The following FREM1 variants were observed in gnomAD, a reference collection of about 807,000 sequenced individuals.
FREM1 encodes the protein FRAS1-related extracellular matrix protein 1.
FREM1 carries 220 observed loss-of-function variants against 210.1 expected under a neutral mutation model. The observed-to-expected ratio is 1.05, with a 90% CI of 0.94 to 1.17. The LOEUF (loss-of-function observed/expected upper bound fraction) is 1.17, where lower values mean the gene tolerates loss of function less well. Ranked by LOEUF, FREM1 falls within the 50% of genes most tolerant of loss-of-function variation. The pLI is 0.00. For missense variants in FREM1, 3,454 were observed against 2,675.5 expected (o/e 1.29, Z -6.42); for synonymous variants, 1,189 against 980.2 (o/e 1.21, Z -3.98).
In FREM1 at chr9:14,770,701, C is replaced by T. The variant is rs114410606; in HGVS notation, c.4963G>A (p.Val1655Met). 5.4e-4 allele frequency: 870 copies of T among 1,613,280 alleles called. 2 individuals carry two copies. The African/African-American group carries it at 0.01, about 19-fold the overall frequency. Reference sequence around the variant, plus strand: ...GTGTCAGGGTCTGATGCCTTCAACACGCGGGAAGTGATGTAAATCCCGTAG... The same window carrying T: ...GTGTCAGGGTCTGATGCCTTCAACATGCGGGAAGTGATGTAAATCCCGTAG... ...GCYGIYITSRVLKASDPDTED... is the reference protein window; with the variant it reads ...GCYGIYITSRMLKASDPDTED... The change falls in exon 26 of 37, where the codon GTG (valine) becomes ATG (methionine). Residue 1655 changes from valine (V) to methionine (M), a missense_variant. Transcript: ENST00000380880.
At position 14,848,756 on chromosome 9, in the gene FREM1, G is replaced by A. The variant is rs754342427; in HGVS notation, c.1170C>T (p.Tyr390=). 3.4e-4 allele frequency: 545 copies of A among 1,608,654 alleles called. 2 individuals carry two copies. The highest frequency in any genetic ancestry group is 4.6e-5 in the Non-Finnish European group (54 of 1,175,230). Residue 390 remains tyrosine (Y), a synonymous_variant, in exon 7 of 37, where the codon TAC becomes TAT. Transcript: ENST00000380880. ...RRHDEVELEV[Y]DFFFERSAPM... ...GTGCACTCCTTTCAAAGAAGAAGTC[G>A]TATACCTCCAATTCTACCTGTAAAC...
intron 27 of FREM1, among the ~76,000 whole-genome samples, chr9:14,766,162 T>C (rs1236557069): frequency 6.6e-6 from 1 of 152,220 alleles, no homozygotes; most frequent in Admixed American, 6.5e-5. Context: ...CTTTATTTCC[T>C]TATCCTCAGA....
intron 19 of FREM1, among the ~76,000 whole-genome samples, chr9:14,802,892 C>T (rs2133319960): frequency 6.6e-6 from 1 of 152,204 alleles, no homozygotes; most frequent in African/African-American, 2.4e-5. Flanking sequence ...CACAAAAGGG[C>T]AGAGATCAGG....
rs558464927 is a variant in FREM1, at chr9:14,869,148, GGGC to G, written c.-174_-172del. On this transcript the variant is annotated 5_prime_UTR_variant, in exon 2 of 37. Coordinates refer to ENST00000380880, the MANE Select transcript of FREM1 (RefSeq NM_001379081.2). The stretch of plus-strand genomic sequence containing the variant: ...CCTTTCATTTCAAAGTCAGACAAGG[GGGC>G]CTTTCAGGCAATCCCAGGGCTTTTA... 1.6e-5 allele frequency: 9 copies of G among 546,486 alleles called. No homozygotes were observed. The South Asian group carries it at 2.7e-4, about 17-fold the overall frequency. 33.9% of individuals were successfully genotyped at this position (546,486 alleles called of 1,614,324 possible).
At chr9:14,791,923 C>A (rs554986564) in intron 22 of FREM1, among the ~76,000 whole-genome samples, 12 of 152,058 alleles carry the variant, frequency 7.9e-5, no homozygotes, top group South Asian at 2.1e-4. Flanking sequence ...ACCTCTCCCC[C>A]CTCTCCCGGG....
At chr9:14,883,509 A>T (rs1835194869) in intron 1 of FREM1, among the ~76,000 whole-genome samples, 1 of 152,210 alleles carries the variant, frequency 6.6e-6, no homozygotes, top group Admixed American at 6.5e-5. Flanking sequence ...AGAAGGTGGC[A>T]TGGGAGGGGA....
Position 14,842,389 on chromosome 9 carries a change from G to A in FREM1, c.1665C>T (p.Asp555=), listed in dbSNP as rs765122574. 1.9e-6 allele frequency: 3 copies of A among 1,613,218 alleles called. No homozygotes were observed. The highest frequency in any genetic ancestry group is 2.2e-5 in the South Asian group (2 of 91,056). The change falls in exon 9 of 37, where the codon GAC becomes GAT. Residue 555 remains aspartate (D), a synonymous_variant. Coordinates refer to ENST00000380880, the MANE Select transcript of FREM1 (RefSeq NM_001379081.2). ...GCTTTGTGATATTGAAGAAGATGTAGTCATCACTGGCGTCCACATCTGAAG... is the reference window on the plus strand; with the variant it reads ...GCTTTGTGATATTGAAGAAGATGTAATCATCACTGGCGTCCACATCTGAAG... ...LRASDVDASD[D]YIFFNITKPP...
chr9:14,761,446 G>A (rs749806827), intron 27 of FREM1, among the ~76,000 whole-genome samples: 1 of 151,992 alleles, frequency 6.6e-6, no homozygotes, highest in South Asian at 2.1e-4. Flanking sequence ...CAAGAAAAGA[G>A]GATCCTTGTA....
chr9:14,830,984 G>A (rs145491682), intron 10 of FREM1, among the ~76,000 whole-genome samples: 2 of 152,296 alleles, frequency 1.3e-5, no homozygotes, highest in East Asian at 3.9e-4. Context: ...TACGCTTATT[G>A]TTGGCTACCG....
rs115370222 is a variant in FREM1 at position 14,783,574 on chromosome 9, G to A, written c.4442+796C>T. 3.3e-3 allele frequency among the ~76,000 whole-genome samples: 496 copies of A among 152,260 alleles called. 3 individuals carry two copies. Among genetic ancestry groups the A allele is most frequent in the African/African-American group, 0.011 (476 of 41,538 alleles). ...TTTCCCAGTTCTCATGCCCGGCCTG[G>A]GGATCTGTGTTTCTCTCCAGGACCT... On this transcript the variant is annotated intron_variant, in intron 24 of 36. Transcript: ENST00000380880.
Position 14,851,604 on chromosome 9 carries a change from C to A in FREM1, c.832G>T (p.Glu278Ter). 2 of 1,611,768 alleles carry A rather than the reference C, an allele frequency of 1.2e-6. No individual in the cohort carries two copies. The highest frequency in any genetic ancestry group is 1.7e-6 in the Non-Finnish European group (2 of 1,177,878). ...DTRSKIVYKSESAWLPVYIRA... is the reference protein window; with the variant it reads ...DTRSKIVYKS The stretch of plus-strand genomic sequence containing the variant: ...ATATAGACAGGCAGCCACGCACTCT[C>A]TGACTTTTGAAGGATAGAGAAAATA... The change falls in exon 6 of 37, where the codon GAG becomes TAG. Residue 278 changes from glutamate (E) to a stop codon, truncating the protein, a stop_gained. Transcript: ENST00000380880. LOFTEE classifies it high-confidence loss of function.
At chr9:14,864,593 C>T (rs1478508118) in intron 2 of FREM1, among the ~76,000 whole-genome samples, 2 of 152,196 alleles carry the variant, frequency 1.3e-5, no homozygotes, top group Non-Finnish European at 2.9e-5. Flanking sequence ...TCAACTCACT[C>T]AGAATTATTA....
At position 14,801,750 on chromosome 9, in the gene FREM1, C is replaced by G. The variant is rs755342109; in HGVS notation, c.3596G>C (p.Arg1199Thr). The change falls in exon 20 of 37, where the codon AGG (arginine) becomes ACG (threonine). Residue 1199 changes from arginine to threonine, a missense_variant. Coordinates refer to ENST00000380880, the MANE Select transcript of FREM1 (RefSeq NM_001379081.2). The stretch of plus-strand genomic sequence containing the variant: ...CTCAGAGAAGTCTTTGCTAAACCCC[C>G]TATCGATGAGGAGGCCATGGCGTGG... ...QKPRHGLLID[R>T]GFSKDFSENK... 6.2e-7 allele frequency: 1 copy of G among 1,613,954 alleles called. No homozygotes were observed. The highest frequency in any genetic ancestry group is 1.1e-5 in the South Asian group (1 of 91,066).
intron 20 of FREM1, 56 bp downstream of exon 20, chr9:14,801,596 T>G: frequency 8.3e-7 from 1 of 1,199,434 alleles, no homozygotes; most frequent in Non-Finnish European, 1.2e-6. Flanking sequence ...CATATAAGTA[T>G]GGGTTAAATT....
At chr9:14,790,394 T>C (rs967531506) in intron 22 of FREM1, among the ~76,000 whole-genome samples, 2 of 152,196 alleles carry the variant, frequency 1.3e-5, no homozygotes, top group South Asian at 2.1e-4. Context: ...AATTACATCA[T>C]AATAATTAAG....
chr9:14,795,991 G>C (rs1170392554), intron 21 of FREM1, among the ~76,000 whole-genome samples: 1 of 152,056 alleles, frequency 6.6e-6, no homozygotes, highest in Non-Finnish European at 1.5e-5. Flanking sequence ...ATAAATAAAG[G>C]CTATACTAAT....
intron 3 of FREM1, among the ~76,000 whole-genome samples, chr9:14,861,788 T>A (rs1052245015): frequency 6.6e-6 from 1 of 152,188 alleles, no homozygotes; most frequent in Non-Finnish European, 1.5e-5. Context: ...ATTAGAGGCA[T>A]GAGCCACTGC....
At position 14,747,249 on chromosome 9, in the gene FREM1, C is replaced by G; in HGVS notation, c.6009+15G>C. On this transcript the variant is annotated intron_variant, in intron 33 of 36. Coordinates refer to ENST00000380880, the MANE Select transcript of FREM1 (RefSeq NM_001379081.2). ...TTGTTATAAGGTGAGTAAGAAGGAA[C>G]AAAGATTTTCATACCTGTCTGGGGA... is the stretch of plus-strand genomic sequence containing the variant. 6.2e-7 allele frequency: 1 copy of G among 1,606,776 alleles called. No homozygotes were observed. The highest frequency in any genetic ancestry group is 8.5e-7 in the Non-Finnish European group (1 of 1,176,482).
Position 14,747,393 on chromosome 9 carries a change from G to A in FREM1, c.5880C>T (p.Asp1960=), listed in dbSNP as rs1262635767. Reference sequence around the variant, plus strand: ...CCTTCCTTTTGTGAGTTGGGAAACTGTCATCCTCCAGTTTCAAGGAAACTA... The same window carrying A: ...CCTTCCTTTTGTGAGTTGGGAAACTATCATCCTCCAGTTTCAAGGAAACTA... ...HGIVSLKLED[D]SFPTHKRKAK... The change falls in exon 33 of 37, where the codon GAC becomes GAT. Residue 1960 remains aspartate, a synonymous_variant. Transcript: ENST00000380880. 5 of 1,613,456 alleles carry A rather than the reference G, an allele frequency of 3.1e-6. No homozygotes were observed.
Sources: allele counts gnomAD v4.1 joint callset (sites outside exome capture counted in the v4.1 genomes callset), GRCh38; gene constraint gnomAD v4.1.1; transcripts MANE v1.5; gene names NCBI Gene and HGNC (gene_info 2026-07-23, HGNC 2026-07-21).